The following ERC2 variants were observed in gnomAD, a reference collection of about 807,000 sequenced individuals.
The protein encoded by ERC2 is ERC protein 2.
ERC2 carries 42 observed loss-of-function variants against 114.8 expected under a neutral mutation model. The ratio of observed to expected loss-of-function variants is 0.37; its 90% confidence interval spans 0.29 to 0.47. The LOEUF is 0.47. Among genes scored for constraint, ERC2 ranks in the 20% least tolerant of loss-of-function variants. The pLI is 0.99. For missense variants in ERC2, 939 were observed against 1,150.7 expected (o/e 0.82, Z 2.66); for synonymous variants, 454 against 425.5 (o/e 1.07, Z -0.82).
chr3:55,705,140 TAAG>T (rs1317644614), intron 15 of ERC2, among the ~76,000 whole-genome samples: 1 of 151,958 alleles, frequency 6.6e-6, no homozygotes, highest in African/African-American at 2.4e-5. Flanking sequence ...TAAAACCGTA[TAAG>T]AAGAGGAGGA....
chr3:56,344,141 A>T (rs992432136), intron 2 of ERC2, among the ~76,000 whole-genome samples: 1 of 152,228 alleles, frequency 6.6e-6, no homozygotes, highest in South Asian at 2.1e-4. Context: ...AATAAATAGG[A>T]TTTCATTTGC....
At chr3:55,733,085 G>A (rs966146600) in intron 15 of ERC2, among the ~76,000 whole-genome samples, 1 of 151,980 alleles carries the variant, frequency 6.6e-6, no homozygotes. Context: ...TGGTATATTC[G>A]AGCTCAAGGG....
intron 12 of ERC2, among the ~76,000 whole-genome samples, chr3:55,952,172 C>CTAT (rs1559922574): frequency 2.0e-4 from 12 of 58,936 alleles, no homozygotes; most frequent in African/African-American, 5.8e-4. Flanking sequence ...CACACACACA[C>CTAT]ACACACACTC....
At chr3:55,947,699 C>G (rs2067221371) in intron 13 of ERC2, among the ~76,000 whole-genome samples, 1 of 152,162 alleles carries the variant, frequency 6.6e-6, no homozygotes, top group African/African-American at 2.4e-5. Flanking sequence ...CAAACCCACC[C>G]TAGAGCAGCT....
At chr3:55,875,656 G>A (rs1306518473) in intron 14 of ERC2, among the ~76,000 whole-genome samples, 1 of 151,542 alleles carries the variant, frequency 6.6e-6, no homozygotes, top group Non-Finnish European at 1.5e-5. Flanking sequence ...AAAATTGCCA[G>A]AGCCAGACCC....
At chr3:55,532,605 C>T (rs1204867487) in intron 17 of ERC2, among the ~76,000 whole-genome samples, 2 of 152,190 alleles carry the variant, frequency 1.3e-5, no homozygotes, top group Admixed American at 6.5e-5. Flanking sequence ...AATACATACT[C>T]TTTTTATTCT....
intron 6 of ERC2, among the ~76,000 whole-genome samples, chr3:56,098,621 TG>T (rs2078189006): frequency 6.6e-6 from 1 of 152,214 alleles, no homozygotes; most frequent in Non-Finnish European, 1.5e-5. Context: ...TAAAGTGCTC[TG>T]TTTATCATCT....
intron 14 of ERC2, among the ~76,000 whole-genome samples, chr3:55,783,336 T>C (rs1176094787): frequency 6.6e-6 from 1 of 152,062 alleles, no homozygotes; most frequent in Non-Finnish European, 1.5e-5. Flanking sequence ...AAGAAGCAAA[T>C]ACTTGTAGTA....
intron 2 of ERC2, among the ~76,000 whole-genome samples, chr3:56,311,296 C>CACAT (rs1301695310): frequency 8.7e-6 from 1 of 115,274 alleles, no homozygotes; most frequent in African/African-American, 3.8e-5. Flanking sequence ...TATATACACA[C>CACAT]ATATATATAA....
At chr3:55,837,927 T>G (rs1390130923) in intron 14 of ERC2, among the ~76,000 whole-genome samples, 14 of 151,702 alleles carry the variant, frequency 9.2e-5, no homozygotes, top group Admixed American at 9.2e-4. Context: ...GCTACATTAA[T>G]ATCAGACAAA....
chr3:56,000,020 G>C (rs1485664712), intron 10 of ERC2, among the ~76,000 whole-genome samples: 1 of 151,698 alleles, frequency 6.6e-6, no homozygotes, highest in Non-Finnish European at 1.5e-5. Context: ...CAACAAATTA[G>C]AGACATCAAT....
chr3:55,784,627 T>C (rs904043803), intron 14 of ERC2, among the ~76,000 whole-genome samples: 9 of 152,240 alleles, frequency 5.9e-5, no homozygotes, highest in African/African-American at 2.2e-4. Context: ...TCTTCCTTTA[T>C]GTTTTGTCAT....
At position 55,774,727 on chromosome 3, in the gene ERC2, C is replaced by T. The variant is rs998070652; in HGVS notation, c.2565-39809G>A. 3.0e-4 allele frequency among the ~76,000 whole-genome samples: 45 copies of T among 152,328 alleles called. 1 individual carries two copies. The highest frequency in any genetic ancestry group is 7.3e-5 in the Non-Finnish European group (5 of 68,028). ...GGTGACCCAGGCAGGCTTTCCTTAG[C>T]CTTGGCCAGCCAGGGGGAACATAAT... On this transcript the variant is annotated intron_variant, in intron 14 of 17. Coordinates refer to ENST00000288221, the MANE Select transcript of ERC2 (RefSeq NM_015576.3).
intron 16 of ERC2, among the ~76,000 whole-genome samples, chr3:55,694,329 A>G (rs1354298110): frequency 1.3e-5 from 2 of 152,152 alleles, no homozygotes; most frequent in African/African-American, 4.8e-5. Context: ...CTACTATGGG[A>G]GCAGTTCATT....
Position 56,385,489 on chromosome 3 carries a change from C to A in ERC2, c.657+48862G>T, listed in dbSNP as rs1219071957. The stretch of plus-strand genomic sequence containing the variant: ...GGCCAGCATTAATGATTTCCCCAAC[C>A]AACACATGGACACCATACACCATAT... On this transcript the variant is annotated intron_variant, in intron 2 of 17. Transcript: ENST00000288221. Among the ~76,000 whole-genome samples, 6 of 152,144 alleles carry A rather than the reference C, an allele frequency of 3.9e-5. 1 individual carries two copies. The highest frequency in any genetic ancestry group is 8.8e-5 in the Non-Finnish European group (6 of 68,010).
At chr3:55,621,159 C>CCCG (rs931269643) in intron 17 of ERC2, among the ~76,000 whole-genome samples, 2 of 152,106 alleles carry the variant, frequency 1.3e-5, no homozygotes, top group African/African-American at 4.8e-5. Flanking sequence ...TAACTGCCCC[C>CCCG]CCTCCAGCCA....
intron 3 of ERC2, among the ~76,000 whole-genome samples, chr3:56,232,365 C>T (rs145051065): frequency 6.6e-6 from 1 of 152,268 alleles, no homozygotes; most frequent in East Asian, 1.9e-4. Context: ...TCCTCTCTTA[C>T]CTAGATACAT....
At chr3:56,071,260 T>C (rs2076728481) in intron 7 of ERC2, among the ~76,000 whole-genome samples, 1 of 152,196 alleles carries the variant, frequency 6.6e-6, no homozygotes, top group African/African-American at 2.4e-5. Context: ...CAAGGCCTCA[T>C]ATGCCATAGG....
intron 17 of ERC2, among the ~76,000 whole-genome samples, chr3:55,675,894 CTTTTCTTTCTTTTTTTTTTTTT>C (rs1192855399): frequency 0.014 from 967 of 70,484 alleles, 16 homozygotes; most frequent in Non-Finnish European, 0.02. Flanking sequence ...CTTTCTTTCT[CTTTTCTTTCTTTTTTTTTTTTT>C]TTTTTTTTTT....
Sources: allele counts gnomAD v4.1 joint callset (sites outside exome capture counted in the v4.1 genomes callset), GRCh38; gene constraint gnomAD v4.1.1; transcripts MANE v1.5; gene names NCBI Gene and HGNC (gene_info 2026-07-23, HGNC 2026-07-21).